The following MLLT3 variants were observed in gnomAD, a reference collection of about 807,000 sequenced individuals.
MLLT3 encodes protein AF-9.
A neutral mutation model predicts 53.2 loss-of-function variants in MLLT3; 4 were observed. The observed-to-expected ratio is 0.08, with a 90% CI of 0.04 to 0.17. The LOEUF (loss-of-function observed/expected upper bound fraction) is 0.17, where lower values mean the gene tolerates loss of function less well. Ranked by LOEUF, MLLT3 falls within the 10% of genes least tolerant of loss-of-function variation. The pLI, the probability that MLLT3 is intolerant of heterozygous loss-of-function variation, is 1.00. For missense variants in MLLT3, 569 were observed against 684.0 expected (o/e 0.83, Z 1.87); for synonymous variants, 283 against 230.6 (o/e 1.23, Z -2.06).
intron 2 of MLLT3, among the ~76,000 whole-genome samples, chr9:20,565,235 G>C (rs1046649152): frequency 3.3e-5 from 5 of 151,904 alleles, no homozygotes; most frequent in African/African-American, 1.2e-4. Context: ...TCTTCTGTAA[G>C]TGTGTTACTG....
rs925130206 is a variant in MLLT3 at position 20,431,230 on chromosome 9, G to A, written c.421-16805C>T. 3.3e-5 allele frequency among the ~76,000 whole-genome samples: 5 copies of A among 151,954 alleles called. No homozygotes were observed. The East Asian group carries it at 5.8e-4, about 18-fold the overall frequency. On this transcript the variant is annotated intron_variant, in intron 4 of 10. Transcript: ENST00000380338. ...AGACAGCATTTCTCTGAATGTAGTC[G>A]GCAGACCAGCAATATTAGTATTACC...
At position 20,440,186 on chromosome 9, in the gene MLLT3, C is replaced by A. The variant is rs138685195; in HGVS notation, c.420+7937G>T. 3.2e-4 allele frequency among the ~76,000 whole-genome samples: 48 copies of A among 152,180 alleles called. 1 individual carries two copies. The East Asian group carries it at 6.9e-3, about 22-fold the overall frequency. On this transcript the variant is annotated intron_variant, in intron 4 of 10. Coordinates refer to ENST00000380338, the MANE Select transcript of MLLT3 (RefSeq NM_004529.4). ...ATGCTTATTTTAGATTTATACAAAC[C>A]TAAGCCCAAGGTAAATTAGCAGCAG...
intron 2 of MLLT3, among the ~76,000 whole-genome samples, chr9:20,613,339 C>T (rs1300579060): frequency 1.3e-5 from 2 of 152,076 alleles, no homozygotes; most frequent in Non-Finnish European, 2.9e-5. Context: ...ATCCTCTTCA[C>T]GTTGATTTTA....
intron 2 of MLLT3, among the ~76,000 whole-genome samples, chr9:20,580,925 T>C (rs1383113160): frequency 2.0e-5 from 3 of 152,232 alleles, no homozygotes; most frequent in Non-Finnish European, 2.9e-5. Context: ...TCTGTCAACA[T>C]ATTTTGTTTT....
intron 2 of MLLT3, among the ~76,000 whole-genome samples, chr9:20,499,941 C>T (rs1474553681): frequency 6.6e-6 from 1 of 152,180 alleles, no homozygotes; most frequent in Non-Finnish European, 1.5e-5. Context: ...GCAGTGACAA[C>T]TCTAAATCTG....
chr9:20,379,247 A>T (rs775995995), intron 5 of MLLT3, among the ~76,000 whole-genome samples: 1 of 152,062 alleles, frequency 6.6e-6, no homozygotes, highest in Non-Finnish European at 1.5e-5. Context: ...TGGACGTTGA[A>T]AAGCAAATAC....
At position 20,478,512 on chromosome 9, in the gene MLLT3, G is replaced by A. The variant is rs186851480; in HGVS notation, c.194-21726C>T. ...ACTGCAGAGTGAGACACTGTGCCCC[G>A]TCAAGGAACAACTCAACCAACTGAT... On this transcript the variant is annotated intron_variant, in intron 2 of 10. Transcript: ENST00000380338. Among the ~76,000 whole-genome samples the A allele has an allele frequency of 1.9e-3, 291 of 152,162 alleles. 3 individuals carry two copies. Among genetic ancestry groups the A allele is most frequent in the Non-Finnish European group, 2.2e-3 (150 of 68,000 alleles).
At chr9:20,524,604 C>T (rs1317074940) in intron 2 of MLLT3, among the ~76,000 whole-genome samples, 1 of 152,120 alleles carries the variant, frequency 6.6e-6, no homozygotes, top group African/African-American at 2.4e-5. Context: ...GCAATTCTCC[C>T]AGAAATAACA....
intron 5 of MLLT3, among the ~76,000 whole-genome samples, chr9:20,368,619 AG>A (rs1375125892): frequency 2.6e-5 from 4 of 152,222 alleles, no homozygotes; most frequent in Non-Finnish European, 5.9e-5. Flanking sequence ...GAACCAAACC[AG>A]GAGGCAGGCT....
intron 2 of MLLT3, among the ~76,000 whole-genome samples, chr9:20,544,068 T>A (rs1277469893): frequency 6.6e-6 from 1 of 152,140 alleles, no homozygotes; most frequent in African/African-American, 2.4e-5. Context: ...TATGGACAAA[T>A]GATCTTCAAC....
At chr9:20,571,173 C>A (rs953563528) in intron 2 of MLLT3, among the ~76,000 whole-genome samples, 2 of 152,214 alleles carry the variant, frequency 1.3e-5, no homozygotes, top group Admixed American at 6.5e-5. Flanking sequence ...TATAATGCTG[C>A]AGGTGAGCTT....
chr9:20,554,554 T>C (rs1819006942), intron 2 of MLLT3, among the ~76,000 whole-genome samples: 1 of 152,146 alleles, frequency 6.6e-6, no homozygotes. Flanking sequence ...GAAACAATAT[T>C]ATAAATTGCA....
At chr9:20,616,513 A>ATAAC (rs1820836703) in intron 2 of MLLT3, among the ~76,000 whole-genome samples, 3 of 152,216 alleles carry the variant, frequency 2.0e-5, no homozygotes, top group Non-Finnish European at 4.4e-5. Flanking sequence ...CACTACAAAA[A>ATAAC]TAACCTCCCA....
chr9:20,390,884 G>GA (rs1304728062), intron 5 of MLLT3, among the ~76,000 whole-genome samples: 2 of 152,198 alleles, frequency 1.3e-5, no homozygotes, highest in Non-Finnish European at 2.9e-5. Context: ...AGGCGGAAGT[G>GA]AAAATATCAC....
intron 2 of MLLT3, among the ~76,000 whole-genome samples, chr9:20,509,026 C>G (rs1243680653): frequency 6.6e-6 from 1 of 152,198 alleles, no homozygotes; most frequent in East Asian, 1.9e-4. Flanking sequence ...CAGTGGGAAT[C>G]AGAAGCACAA....
chr9:20,497,631 T>C (rs758838065), intron 2 of MLLT3, among the ~76,000 whole-genome samples: 15 of 152,226 alleles, frequency 9.9e-5, no homozygotes, highest in Non-Finnish European at 1.9e-4. Flanking sequence ...TGGGTATCAA[T>C]AGTTCATTCC....
At chr9:20,486,866 A>G (rs1253955299) in intron 2 of MLLT3, among the ~76,000 whole-genome samples, 1 of 152,116 alleles carries the variant, frequency 6.6e-6, no homozygotes, top group Non-Finnish European at 1.5e-5. Context: ...CATAAATTTT[A>G]TTATCTTTAT....
In MLLT3 at chr9:20,621,819, G is replaced by A; in HGVS notation, c.12+426C>T. 2 of 1,429,670 alleles carry A rather than the reference G, an allele frequency of 1.4e-6. No homozygotes were observed. The highest frequency in any genetic ancestry group is 1.8e-6 in the Non-Finnish European group (2 of 1,103,656). 88.6% of individuals were successfully genotyped at this position (1,429,670 alleles called of 1,614,324 possible). A position where few individuals can be genotyped will look rare whatever the true frequency, so the allele number is the denominator to read the frequency against. ...TTGCGGAGGTGCGGCCGCCGAGGCT[G>A]CTCGCCGCGTCCCCGGACTGTGCCC... On this transcript the variant is annotated intron_variant, in intron 1 of 10. Coordinates refer to ENST00000380338, the MANE Select transcript of MLLT3 (RefSeq NM_004529.4). This position sits in a 1 kb window ranked among gnomAD's most constrained non-coding sequence, Gnocchi z 7.0.
intron 2 of MLLT3, among the ~76,000 whole-genome samples, chr9:20,487,348 C>T (rs1010331823): frequency 3.3e-5 from 5 of 152,044 alleles, no homozygotes; most frequent in African/African-American, 9.7e-5. Context: ...AATCATAGGA[C>T]TTTTGCTACT....
Sources: allele counts gnomAD v4.1 joint callset (sites outside exome capture counted in the v4.1 genomes callset), GRCh38; gene constraint gnomAD v4.1.1; non-coding constraint Gnocchi (gnomAD v3.1); transcripts MANE v1.5; gene names NCBI Gene and HGNC (gene_info 2026-07-23, HGNC 2026-07-21).